The following PRIM2 variants were observed in gnomAD, a reference collection of about 807,000 sequenced individuals.
PRIM2 encodes DNA primase large subunit.
A neutral mutation model predicts 67.3 loss-of-function variants in PRIM2; 39 were observed. The observed-to-expected ratio is 0.58, with a 90% CI of 0.45 to 0.76. The LOEUF is 0.76. Among genes scored for constraint, PRIM2 ranks in the 30% least tolerant of loss-of-function variants. PRIM2 has a pLI of 0.00. For missense variants in PRIM2, 398 were observed against 598.7 expected (o/e 0.66, Z 3.50); for synonymous variants, 143 against 198.7 (o/e 0.72, Z 2.36).
chr6:57,455,821 C>T lies in PRIM2; in HGVS notation c.694-51566C>T, dbSNP rs1292505042. Among the ~76,000 whole-genome samples, 14 of 152,260 alleles carry T rather than the reference C, an allele frequency of 9.2e-5. No homozygotes were observed. The East Asian group carries it at 2.7e-3, about 29-fold the overall frequency. On this transcript the variant is annotated intron_variant, in intron 7 of 13. Transcript: ENST00000615550. ...AATATTGTTATTTGTGAATTTGATCCTGCCATTATGATGTTAGCTGGTTAT... is the reference window on the plus strand; with the variant it reads ...AATATTGTTATTTGTGAATTTGATCTTGCCATTATGATGTTAGCTGGTTAT...
chr6:57,619,141 C>T (rs1211432483), intron 12 of PRIM2, among the ~76,000 whole-genome samples: 9 of 152,326 alleles, frequency 5.9e-5, no homozygotes, highest in Non-Finnish European at 1.2e-4. Flanking sequence ...CAGGTAGACT[C>T]ACTGGATGGT....
chr6:57,637,719 G>A (rs1777149663), intron 13 of PRIM2, among the ~76,000 whole-genome samples: 1 of 152,132 alleles, frequency 6.6e-6, no homozygotes, highest in Non-Finnish European at 1.5e-5. Context: ...AGAATGAAAA[G>A]GAATGAACAA....
At chr6:57,309,257 A>C in the PRIM2 span, among the ~76,000 whole-genome samples, 5 of 149,770 alleles carry the variant, frequency 3.3e-5, no homozygotes, top group South Asian at 1.1e-3. Context: ...GTCATCTAGC[A>C]TTAGGTATAT....
At chr6:57,471,293 G>A (rs1435977586) in intron 7 of PRIM2, among the ~76,000 whole-genome samples, 1 of 152,038 alleles carries the variant, frequency 6.6e-6, no homozygotes, top group Non-Finnish European at 1.5e-5. Flanking sequence ...CCAAGGGGAG[G>A]GAGTTAATAA....
At chr6:57,454,516 G>A (rs1772685797) in intron 7 of PRIM2, among the ~76,000 whole-genome samples, 1 of 152,156 alleles carries the variant, frequency 6.6e-6, no homozygotes, top group African/African-American at 2.4e-5. Flanking sequence ...TTTAGACTTG[G>A]GAGAGTGTAT....
intron 7 of PRIM2, among the ~76,000 whole-genome samples, chr6:57,451,069 G>T (rs1417667112): frequency 1.3e-5 from 2 of 152,098 alleles, no homozygotes; most frequent in Non-Finnish European, 2.9e-5. Context: ...ATGAGTTTAT[G>T]TATATTTAAT....
At chr6:57,433,753 T>A (rs968224528) in intron 7 of PRIM2, among the ~76,000 whole-genome samples, 1 of 152,164 alleles carries the variant, frequency 6.6e-6, no homozygotes, top group Admixed American at 6.5e-5. Context: ...ACATATTTTA[T>A]TTGGTTTACA....
intron 5 of PRIM2, among the ~76,000 whole-genome samples, chr6:57,379,369 G>A (rs1769877787): frequency 6.9e-6 from 1 of 145,156 alleles, no homozygotes; most frequent in Non-Finnish European, 1.5e-5. Context: ...GAAGTTTAAC[G>A]CTTGTACTAA....
At chr6:57,469,389 G>T (rs1773283649) in intron 7 of PRIM2, among the ~76,000 whole-genome samples, 1 of 152,192 alleles carries the variant, frequency 6.6e-6, no homozygotes. Flanking sequence ...CACGTTTATG[G>T]TTTTGTAACC....
chr6:57,258,283 T>A, the PRIM2 span, among the ~76,000 whole-genome samples: 1 of 152,086 alleles, frequency 6.6e-6, no homozygotes, highest in East Asian at 1.9e-4. Context: ...CCGTAAAGTA[T>A]GAGGGCTGCC....
At chr6:57,227,109 A>G in the PRIM2 span, among the ~76,000 whole-genome samples, 21 of 152,120 alleles carry the variant, frequency 1.4e-4, no homozygotes, top group African/African-American at 4.8e-4. Context: ...TTTCTCATAT[A>G]TATATTTACT....
At chr6:57,316,736 CGGA>C (rs1378261660), upstream of PRIM2, among the ~76,000 whole-genome samples, 2 of 152,230 alleles carry the variant, frequency 1.3e-5, no homozygotes, top group African/African-American at 2.4e-5. Flanking sequence ...TTACAGACAG[CGGA>C]GAACTGGTGT....
chr6:57,320,405 G>T (rs1767613802), intron 2 of PRIM2, 52 bp from the exon 3 acceptor site: 1 of 1,278,984 alleles, frequency 7.8e-7, no homozygotes, highest in East Asian at 2.5e-5. Context: ...TTTTGTCTTG[G>T]ATTTAGTTTT....
intron 7 of PRIM2, among the ~76,000 whole-genome samples, chr6:57,415,249 A>G (rs1771219729): frequency 1.3e-5 from 2 of 152,176 alleles, no homozygotes; most frequent in Non-Finnish European, 2.9e-5. Context: ...TTATTCAGTC[A>G]CCTTTTACTT....
intron 12 of PRIM2, among the ~76,000 whole-genome samples, chr6:57,623,022 G>C (rs1271460452): frequency 6.6e-6 from 1 of 152,174 alleles, no homozygotes; most frequent in Non-Finnish European, 1.5e-5. Flanking sequence ...ATAGTATTCT[G>C]TCTGTCTATT....
chr6:57,397,147 G>A (rs76939220), intron 7 of PRIM2, among the ~76,000 whole-genome samples: 1 of 152,214 alleles, frequency 6.6e-6, no homozygotes, highest in South Asian at 2.1e-4. Flanking sequence ...ATGTGCCTAG[G>A]TGAAGATCTT....
At chr6:57,334,199 A>G (rs960016493) in intron 5 of PRIM2, among the ~76,000 whole-genome samples, 9 of 152,162 alleles carry the variant, frequency 5.9e-5, no homozygotes, top group Non-Finnish European at 1.2e-4. Flanking sequence ...ACTTAACGTA[A>G]TATCCCTGTT....
chr6:57,405,204 C>G (rs1204766677), intron 7 of PRIM2, among the ~76,000 whole-genome samples: 1 of 152,272 alleles, frequency 6.6e-6, no homozygotes, highest in South Asian at 2.1e-4. Flanking sequence ...GACACGTCTA[C>G]TCTCATACAG....
chr6:57,349,043 C>T (rs1768773538), intron 5 of PRIM2, among the ~76,000 whole-genome samples: 1 of 152,062 alleles, frequency 6.6e-6, no homozygotes, highest in South Asian at 2.1e-4. Flanking sequence ...CCATGCCTGG[C>T]CTCCTTTTTG....
Sources: gnomAD v4.1 joint callset for allele counts (sites outside exome capture counted in the v4.1 genomes callset) on GRCh38, gnomAD v4.1.1 for gene constraint, MANE v1.5 for transcripts, NCBI Gene and HGNC (gene_info 2026-07-23, HGNC 2026-07-21) for gene names.